HMGCS1: variants seen among roughly 807,000 people sequenced by gnomAD.
HMGCS1 encodes the protein 3-hydroxy-3-methylglutaryl-CoA synthase 1.
A neutral mutation model predicts 52.3 loss-of-function variants in HMGCS1; 9 were observed. That is an observed-to-expected ratio of 0.17 (90% confidence interval 0.10 to 0.30). The LOEUF is 0.30. Among genes scored for constraint, HMGCS1 ranks in the 10% least tolerant of loss-of-function variants. The pLI, the probability that HMGCS1 is intolerant of heterozygous loss-of-function variation, is 1.00. For missense variants in HMGCS1, 320 were observed against 620.9 expected (o/e 0.52, Z 5.15); for synonymous variants, 176 against 214.4 (o/e 0.82, Z 1.57).
intron 2 of HMGCS1, among the ~76,000 whole-genome samples, chr5:43,302,495 C>T (rs1011406083): frequency 1.3e-5 from 2 of 152,290 alleles, no homozygotes; most frequent in East Asian, 3.9e-4. Flanking sequence ...CATCATCATA[C>T]TTCGTCAATT....
rs1156527727 is a variant in HMGCS1, at chr5:43,288,337, T to C, written c.*2794A>G. On this transcript the variant is annotated 3_prime_UTR_variant, in exon 11 of 11. Coordinates refer to ENST00000325110, the MANE Select transcript of HMGCS1 (RefSeq NM_001098272.3). Reference sequence around the variant, plus strand: ...TGAGGAACCTATGACTTAAGAGCAGTTGCTAGAAATTTTAAAGAAAGGGTT... The same window carrying C: ...TGAGGAACCTATGACTTAAGAGCAGCTGCTAGAAATTTTAAAGAAAGGGTT... 1 of 152,106 alleles carries C rather than the reference T, an allele frequency of 6.6e-6. No individual in the cohort carries two copies. The highest frequency in any genetic ancestry group is 1.5e-5 in the Non-Finnish European group (1 of 68,020). The allele number at this position is 152,106 out of a possible 1,614,324, so 9.4% of individuals were successfully genotyped here.
chr5:43,300,133 G>A (rs541715337), intron 2 of HMGCS1, among the ~76,000 whole-genome samples: 82 of 152,228 alleles, frequency 5.4e-4, no homozygotes, highest in African/African-American at 1.8e-3. Flanking sequence ...TATTTCTTGA[G>A]TACTTCCAAT....
In HMGCS1 at chr5:43,291,118, C is replaced by T. The variant is rs560448931; in HGVS notation, c.*13G>A. On this transcript the variant is annotated 3_prime_UTR_variant, in exon 11 of 11. Transcript: ENST00000325110. ...CCCACCCCACCCTGAAGTCTTGCAC[C>T]TCACAGAGTATCTTAATGTTCCCCA... 614 of 1,483,742 alleles carry T rather than the reference C, an allele frequency of 4.1e-4. 9 individuals carry two copies. The South Asian group carries it at 6.7e-3, about 16-fold the overall frequency. The allele number at this position is 1,483,742 out of a possible 1,614,324, so 91.9% of individuals were successfully genotyped here.
rs1310275034 is a variant in HMGCS1, at chr5:43,293,766, C to A, written c.1183+290G>T. ...TCTCGCTCTGTCACCCAGGCTGGAG[C>A]ACAGTGGTGTGATCTTGGCTCACCA... On this transcript the variant is annotated intron_variant, in intron 8 of 10. Coordinates refer to ENST00000325110, the MANE Select transcript of HMGCS1 (RefSeq NM_001098272.3). 81 of 213,760 alleles carry A rather than the reference C, an allele frequency of 3.8e-4. 2 individuals are homozygous for A. In the Admixed American group the frequency reaches 4.6e-3, roughly 12 times the overall value. The allele number at this position is 213,760 out of a possible 1,614,324, so 13.2% of individuals were successfully genotyped here. A position where few individuals can be genotyped will look rare whatever the true frequency, so the allele number is the denominator to read the frequency against.
chr5:43,294,228 T>C, intron 7 of HMGCS1, 66 bp from the exon 8 acceptor site: 1 of 971,452 alleles, frequency 1.0e-6, no homozygotes, highest in Non-Finnish European at 1.6e-6. Flanking sequence ...TGGGAAGCTA[T>C]AAAAGTAGCA....
chr5:43,297,226 A>G, intron 4 of HMGCS1, 60 bp from the exon 5 acceptor site: 7 of 1,364,762 alleles, frequency 5.1e-6, no homozygotes, highest in Non-Finnish European at 5.1e-6. Flanking sequence ...CTGTATGTTA[A>G]TAAGTATACT....
At position 43,288,185 on chromosome 5, in the gene HMGCS1, A is replaced by G. The variant is rs913805728; in HGVS notation, c.*2946T>C. On this transcript the variant is annotated 3_prime_UTR_variant, in exon 11 of 11. Coordinates refer to ENST00000325110, the MANE Select transcript of HMGCS1 (RefSeq NM_001098272.3). ...ATATTAAAAGATAAAGCCCCAATAT[A>G]TAACCCATCTGAGGATTTCTAATCA... 1 of 152,210 alleles carries G rather than the reference A, an allele frequency of 6.6e-6. No homozygotes were observed. The highest frequency in any genetic ancestry group is 6.5e-5 in the Admixed American group (1 of 15,270). 9.4% of individuals were successfully genotyped at this position (152,210 alleles called of 1,614,324 possible). A position where few individuals can be genotyped will look rare whatever the true frequency, so the allele number is the denominator to read the frequency against.
chr5:43,310,622 T>C (rs1754812949), intron 1 of HMGCS1, among the ~76,000 whole-genome samples: 1 of 152,210 alleles, frequency 6.6e-6, no homozygotes, highest in Non-Finnish European at 1.5e-5. Context: ...TGCTTTCTGC[T>C]ATCACTTTTT....
At position 43,298,320 on chromosome 5, in the gene HMGCS1, T is replaced by C; in HGVS notation, c.449-186A>G. ...GTCATCCATCTGACTAAATTTTGAA[T>C]AGACCATTTGTCCTACAAGATAAGA... On this transcript the variant is annotated intron_variant, in intron 3 of 10. Coordinates refer to ENST00000325110, the MANE Select transcript of HMGCS1 (RefSeq NM_001098272.3). The surrounding 1 kb of genome is among the most constrained non-coding windows in gnomAD (Gnocchi z 5.6). The C allele has an allele frequency of 1.5e-6, 1 of 671,486 alleles. No individual in the cohort carries two copies. Among genetic ancestry groups the C allele is most frequent in the Non-Finnish European group, 2.5e-6 (1 of 404,468 alleles). 41.6% of individuals were successfully genotyped at this position (671,486 alleles called of 1,614,324 possible).
In HMGCS1 at chr5:43,292,548, C is replaced by G; in HGVS notation, c.1399G>C (p.Ala467Pro). 6.2e-7 allele frequency: 1 copy of G among 1,613,922 alleles called. No homozygotes were observed. Among genetic ancestry groups the G allele is most frequent in the Non-Finnish European group, 8.5e-7 (1 of 1,179,858 alleles). The change falls in exon 10 of 11, where the codon GCT becomes CCT. Residue 467 changes from alanine to proline, a missense_variant. By Grantham distance (27) the Ala-to-Pro change is conservative. Around this residue, in one of 3 missense-constraint regions of HMGCS1, gnomAD observed 213 missense variants for 337.4 expected, o/e 0.63. Coordinates refer to ENST00000325110, the MANE Select transcript of HMGCS1 (RefSeq NM_001098272.3). ...RVDEKHRRTY[A>P]RRPTPNDDTL... ...TCATCATTTGGAGTGGGACGCCGAG[C>G]GTAAGTTCTTCTGTGCTTTTCATCC...
rs1359274790 is a variant in HMGCS1, at chr5:43,288,103, A to C, written c.*3028T>G. ...CTGCAAGGCTGAATAAGGAATATAC[A>C]TAGAATGAATAGTGCTTACTACTGA... On this transcript the variant is annotated 3_prime_UTR_variant, in exon 11 of 11. Coordinates refer to ENST00000325110, the MANE Select transcript of HMGCS1 (RefSeq NM_001098272.3). The C allele has an allele frequency of 6.6e-6, 1 of 152,248 alleles. No individual in the cohort carries two copies. The highest frequency in any genetic ancestry group is 6.5e-5 in the Admixed American group (1 of 15,292). The allele number at this position is 152,248 out of a possible 1,614,324, so 9.4% of individuals were successfully genotyped here.
chr5:43,300,492 A>G (rs957739921), intron 2 of HMGCS1, among the ~76,000 whole-genome samples: 1 of 152,206 alleles, frequency 6.6e-6, no homozygotes, highest in Non-Finnish European at 1.5e-5. Context: ...CTGCTCTGCA[A>G]TTAAAGGTCT....
intron 6 of HMGCS1, 76 bp downstream of exon 6, chr5:43,295,676 C>G: frequency 9.4e-7 from 1 of 1,065,116 alleles, no homozygotes; most frequent in Non-Finnish European, 1.4e-6. Context: ...TTTCTCAGGT[C>G]TGTACAAATA....
chr5:43,305,216 C>A (rs1017350654), intron 2 of HMGCS1, among the ~76,000 whole-genome samples: 1 of 152,000 alleles, frequency 6.6e-6, no homozygotes, highest in Non-Finnish European at 1.5e-5. Context: ...AAACTCCTGA[C>A]CTCAAGTGAT....
intron 4 of HMGCS1, 71 bp downstream of exon 4, chr5:43,297,938 T>G: frequency 1.4e-6 from 2 of 1,407,142 alleles, no homozygotes; most frequent in Non-Finnish European, 2.0e-6. Context: ...AAGCGACAGC[T>G]CCTACTTCTA....
intron 10 of HMGCS1, among the ~76,000 whole-genome samples, chr5:43,291,899 GAC>G (rs1202902037): frequency 6.6e-6 from 1 of 150,736 alleles, no homozygotes; most frequent in Non-Finnish European, 1.5e-5. Flanking sequence ...CTCTCACAAA[GAC>G]ACACACCACA....
chr5:43,309,154 T>C (rs566289345), intron 1 of HMGCS1, among the ~76,000 whole-genome samples: 11 of 152,294 alleles, frequency 7.2e-5, no homozygotes, highest in African/African-American at 2.4e-4. Flanking sequence ...TGTATGTATA[T>C]GCATTTGACA....
At chr5:43,312,844 C>T (rs1442543232) in intron 1 of HMGCS1, among the ~76,000 whole-genome samples, 1 of 152,084 alleles carries the variant, frequency 6.6e-6, no homozygotes, top group Non-Finnish European at 1.5e-5. Context: ...TAATGCTACC[C>T]ACTTCCCTTC....
Position 43,287,527 on chromosome 5 carries a change from A to T in HMGCS1, c.*3604T>A, listed in dbSNP as rs937618147. 6.6e-6 allele frequency: 1 copy of T among 152,160 alleles called. No individual in the cohort carries two copies. Among genetic ancestry groups the T allele is most frequent in the Non-Finnish European group, 1.5e-5 (1 of 68,040 alleles). The allele number at this position is 152,160 out of a possible 1,614,324, so 9.4% of individuals were successfully genotyped here. A position where few individuals can be genotyped will look rare whatever the true frequency, so the allele number is the denominator to read the frequency against. Reference sequence around the variant, plus strand: ...CCAGGATGCAAGAGAGATGCACAGGAGTGAAACAAAAGAGGAAAGCCAATA... The same window carrying T: ...CCAGGATGCAAGAGAGATGCACAGGTGTGAAACAAAAGAGGAAAGCCAATA... On this transcript the variant is annotated 3_prime_UTR_variant, in exon 11 of 11. Coordinates refer to ENST00000325110, the MANE Select transcript of HMGCS1 (RefSeq NM_001098272.3).
Sources: gnomAD v4.1 joint callset for allele counts (sites outside exome capture counted in the v4.1 genomes callset) on GRCh38, gnomAD v4.1.1 for gene constraint, gnomAD v4.1.1 regional missense constraint, Gnocchi (gnomAD v3.1) non-coding constraint, MANE v1.5 for transcripts, NCBI Gene and HGNC (gene_info 2026-07-23, HGNC 2026-07-21) for gene names.